The following UBN2 variants were observed in gnomAD, a reference collection of about 807,000 sequenced individuals.
The protein encoded by UBN2 is ubinuclein 2.
A neutral mutation model predicts 120.2 loss-of-function variants in UBN2; 35 were observed. The ratio of observed to expected loss-of-function variants is 0.29; its 90% CI spans 0.22 to 0.39. The LOEUF (loss-of-function observed/expected upper bound fraction) is 0.39, where lower values mean the gene tolerates loss of function less well. UBN2 is among the 10% of genes least tolerant of loss of function. The probability of loss-of-function intolerance (pLI) is 1.00; values close to 1 mark genes in which losing one functional copy is unlikely to be tolerated. For synonymous variants in UBN2, 661 were observed against 648.7 expected, an observed-to-expected ratio of 1.02 and a Z score of -0.29; for missense variants, 1,693 against 1,663.2, an observed-to-expected ratio of 1.02 and a Z score of -0.31.
At chr7:139,279,289 A>C (rs1187617530) in intron 12 of UBN2, 29 bp from the exon 13 acceptor site, 9 of 1,587,342 alleles carry the variant, frequency 5.7e-6, no homozygotes, top group Non-Finnish European at 7.8e-6. Context: ...CTGCTACTGA[A>C]ATAGCCTTTT....
intron 6 of UBN2, among the ~76,000 whole-genome samples, chr7:139,264,027 T>A (rs1230269309): frequency 1.3e-5 from 2 of 152,186 alleles, no homozygotes; most frequent in Non-Finnish European, 2.9e-5. Context: ...ATGAAGAGAT[T>A]ATAACTTAAT....
downstream of UBN2, among the ~76,000 whole-genome samples, chr7:139,313,233 G>A (rs1216970125): frequency 3.3e-5 from 5 of 151,970 alleles, no homozygotes; most frequent in Non-Finnish European, 2.9e-5. Context: ...CCTATATAGT[G>A]GTTTAAGAAG....
intron 15 of UBN2, among the ~76,000 whole-genome samples, chr7:139,286,709 A>G (rs1318289726): frequency 2.0e-5 from 3 of 152,136 alleles, no homozygotes; most frequent in East Asian, 1.9e-4. Context: ...TGAAAACATA[A>G]CTTTTATTTA....
chr7:139,275,123 C>G (rs1797403089), intron 11 of UBN2, among the ~76,000 whole-genome samples: 1 of 150,706 alleles, frequency 6.6e-6, no homozygotes, highest in Non-Finnish European at 1.5e-5. Context: ...ACTAAAAATA[C>G]AAAAATTAGC....
intron 2 of UBN2, among the ~76,000 whole-genome samples, chr7:139,250,018 G>A (rs1456253317): frequency 1.3e-5 from 2 of 151,976 alleles, no homozygotes; most frequent in African/African-American, 4.8e-5. Context: ...CTCTTTCTAA[G>A]CATCTGCTTC....
In UBN2 at chr7:139,284,488, G is replaced by A; in HGVS notation, c.3583G>A (p.Gly1195Arg). ...RTSLSGGTGS[G>R]TQGATKPLST... is the part of the protein sequence containing the mutation. ...TAGTCTGTCTGGGGGAACAGGAAGT[G>A]GAACACAGGGTGCTACCAAACCATT... Residue 1195 changes from glycine to arginine, a missense_variant, in exon 15 of 18, where the codon GGA (glycine) becomes AGA (arginine). This residue lies in a region of UBN2 where 837 missense variants were observed against 817.6 expected (regional missense o/e 1.02). Coordinates refer to ENST00000473989, the MANE Select transcript of UBN2 (RefSeq NM_173569.4). 1 of 1,614,184 alleles carries A rather than the reference G, an allele frequency of 6.2e-7. No individual in the cohort carries two copies. The highest frequency in any genetic ancestry group is 8.5e-7 in the Non-Finnish European group (1 of 1,180,044).
chr7:139,250,709 A>C (rs1796602108), intron 2 of UBN2, among the ~76,000 whole-genome samples: 2 of 152,164 alleles, frequency 1.3e-5, no homozygotes, highest in Admixed American at 6.6e-5. Flanking sequence ...ACAGTCAACT[A>C]GATAATAGAT....
chr7:139,320,071 G>A, the UBN2 span, among the ~76,000 whole-genome samples: 6 of 146,460 alleles, frequency 4.1e-5, no homozygotes, highest in East Asian at 4.0e-4. Flanking sequence ...GCGAGACTCC[G>A]TCTCAAAAAA....
At position 139,231,240 on chromosome 7, in the gene UBN2, C is replaced by T. The variant is rs539740356; in HGVS notation, c.-245C>T. 1.3e-5 allele frequency among the ~76,000 whole-genome samples: 2 copies of T among 152,358 alleles called. No individual in the cohort carries two copies. The highest frequency in any genetic ancestry group is 1.9e-4 in the East Asian group (1 of 5,172). On this transcript the variant is annotated 5_prime_UTR_variant, in exon 1 of 18. Transcript: ENST00000473989. ...GCGCATGCGCCCGCTCAGCGGCCTG[C>T]TTCTATTTATGTGGGGGATCCAACA...
rs1454272836 is a variant in UBN2 at position 139,283,676 on chromosome 7, C to G, written c.2771C>G (p.Thr924Arg). The G allele has an allele frequency of 1.2e-6, 2 of 1,614,042 alleles. No individual in the cohort carries two copies. The highest frequency in any genetic ancestry group is 1.7e-6 in the Non-Finnish European group (2 of 1,180,040). Residue 924 changes from threonine to arginine, a missense_variant, in exon 15 of 18, where the codon ACA becomes AGA. Physicochemically the swap from Thr to Arg is moderately conservative, Grantham distance 71. Transcript: ENST00000473989. The stretch of plus-strand genomic sequence containing the variant: ...GAGGCCCAAGATGCTTCTTCGTTAA[C>G]ACAAGTAACAAAGGTGCACCAGCAT... The part of the protein sequence containing the change: ...TSEAQDASSL[T>R]QVTKVHQHSA...
Position 139,283,805 on chromosome 7 carries a change from C to T in UBN2, c.2900C>T (p.Ser967Phe). 6.2e-7 allele frequency: 1 copy of T among 1,614,086 alleles called. No homozygotes were observed. Among genetic ancestry groups the T allele is most frequent in the African/African-American group, 1.3e-5 (1 of 75,038 alleles). Reference sequence around the variant, plus strand: ...AGTAATAATCCCCAACTCTCCTGTTCCTCCTCACTTATTAAGACTTCAGAT... The same window carrying T: ...AGTAATAATCCCCAACTCTCCTGTTTCTCCTCACTTATTAAGACTTCAGAT... ...KLSNNPQLSC[S>F]SSLIKTSDKP... is the part of the protein sequence containing the mutation. The change falls in exon 15 of 18, where the codon TCC (serine) becomes TTC (phenylalanine). Residue 967 changes from serine to phenylalanine, a missense_variant. Around this residue, in one of 5 missense-constraint regions of UBN2, gnomAD observed 837 missense variants for 817.6 expected, o/e 1.02. Coordinates refer to ENST00000473989, the MANE Select transcript of UBN2 (RefSeq NM_173569.4).
chr7:139,278,327 G>A (rs1482440757), intron 12 of UBN2, among the ~76,000 whole-genome samples: 1 of 151,758 alleles, frequency 6.6e-6, no homozygotes, highest in Non-Finnish European at 1.5e-5. Flanking sequence ...GACTACAGGC[G>A]TGCGCCACCA....
At chr7:139,242,348 C>G (rs1200124293) in intron 2 of UBN2, among the ~76,000 whole-genome samples, 1 of 152,148 alleles carries the variant, frequency 6.6e-6, no homozygotes, top group Non-Finnish European at 1.5e-5. Flanking sequence ...ACTTCATAGG[C>G]TGGTTAACCT....
the UBN2 span, among the ~76,000 whole-genome samples, chr7:139,324,554 T>TAAAA: frequency 3.2e-5 from 1 of 31,592 alleles, no homozygotes; most frequent in African/African-American, 2.1e-4. Flanking sequence ...AGACTCCATC[T>TAAAA]CAAAAAAAAA....
At chr7:139,253,061 T>G (rs943297808) in intron 3 of UBN2, among the ~76,000 whole-genome samples, 4 of 152,206 alleles carry the variant, frequency 2.6e-5, no homozygotes, top group Non-Finnish European at 4.4e-5. Flanking sequence ...CTAAAAATCT[T>G]CTTGTGTAGT....
At chr7:139,319,787 C>G in the UBN2 span, among the ~76,000 whole-genome samples, 1 of 152,110 alleles carries the variant, frequency 6.6e-6, no homozygotes, top group Non-Finnish European at 1.5e-5. Context: ...AAATTTCACC[C>G]AACACTCAGG....
At chr7:139,264,956 C>G (rs1297903513) in intron 6 of UBN2, among the ~76,000 whole-genome samples, 1 of 152,120 alleles carries the variant, frequency 6.6e-6, no homozygotes, top group Non-Finnish European at 1.5e-5. Context: ...TTGATACATT[C>G]ATATGATCAA....
At position 139,306,385 on chromosome 7, in the gene UBN2, T is replaced by C. The variant is rs1476907703; in HGVS notation, c.*8549T>C. 6.6e-6 allele frequency: 1 copy of C among 152,224 alleles called. No homozygotes were observed. The highest frequency in any genetic ancestry group is 1.9e-4 in the East Asian group (1 of 5,206). 9.4% of individuals were successfully genotyped at this position (152,224 alleles called of 1,614,324 possible). On this transcript the variant is annotated 3_prime_UTR_variant, in exon 18 of 18. Transcript: ENST00000473989. ...ACTATACCTGCAAAATTACCAAGGG[T>C]TACCCCAATATTGTCTAGAGGAATT...
At chr7:139,258,842 A>G (rs1167906869) in intron 4 of UBN2, among the ~76,000 whole-genome samples, 1 of 152,184 alleles carries the variant, frequency 6.6e-6, no homozygotes, top group Non-Finnish European at 1.5e-5. Flanking sequence ...ACTTCTCTCT[A>G]CAAATGTGGG....
Sources: gnomAD v4.1 joint callset for allele counts (sites outside exome capture counted in the v4.1 genomes callset) on GRCh38, gnomAD v4.1.1 for gene constraint, gnomAD v4.1.1 regional missense constraint, MANE v1.5 for transcripts, NCBI Gene and HGNC (gene_info 2026-07-23, HGNC 2026-07-21) for gene names.